The following PLCL2 variants were observed in gnomAD, a reference collection of about 807,000 sequenced individuals.
PLCL2 encodes phospholipase C like 2.
PLCL2 carries 4 observed loss-of-function variants against 79.6 expected under a neutral mutation model. The ratio of observed to expected loss-of-function variants is 0.05; its 90% CI spans 0.02 to 0.11. PLCL2 has a LOEUF of 0.11. Ranked by LOEUF, PLCL2 falls within the 10% of genes least tolerant of loss-of-function variation. The probability of loss-of-function intolerance (pLI) is 1.00; values close to 1 mark genes in which losing one functional copy is unlikely to be tolerated. For synonymous variants in PLCL2, 484 were observed against 457.7 expected, an observed-to-expected ratio of 1.06 and a Z score of -0.73; for missense variants, 895 against 1,291.0, an observed-to-expected ratio of 0.69 and a Z score of 4.70.
At chr3:16,994,552 A>C (rs1344320701) in intron 1 of PLCL2, among the ~76,000 whole-genome samples, 4 of 152,244 alleles carry the variant, frequency 2.6e-5, no homozygotes, top group African/African-American at 9.6e-5. Flanking sequence ...GATTTGCTGG[A>C]ATTTTTAAAT....
intron 1 of PLCL2, among the ~76,000 whole-genome samples, chr3:16,941,470 G>A (rs758692295): frequency 9.2e-5 from 14 of 152,212 alleles, no homozygotes; most frequent in African/African-American, 7.2e-5. Context: ...GAGTCTCTCC[G>A]TGACAGTCAC....
chr3:17,073,203 C>T (rs766178941), intron 5 of PLCL2, among the ~76,000 whole-genome samples: 3 of 152,184 alleles, frequency 2.0e-5, no homozygotes, highest in Non-Finnish European at 4.4e-5. Flanking sequence ...TTGGAGACTG[C>T]TTGATCAGTT....
intron 1 of PLCL2, among the ~76,000 whole-genome samples, chr3:16,947,276 T>C (rs1271694783): frequency 6.6e-6 from 1 of 152,168 alleles, no homozygotes; most frequent in Non-Finnish European, 1.5e-5. Context: ...GAGTCATCAT[T>C]ATTTTGTGTG....
intron 1 of PLCL2, among the ~76,000 whole-genome samples, chr3:16,898,635 CT>C (rs1696542164): frequency 1.3e-5 from 2 of 152,132 alleles, no homozygotes; most frequent in Non-Finnish European, 2.9e-5. Flanking sequence ...CTGACCTGTC[CT>C]CATCATTACT....
chr3:16,939,632 C>A (rs1041816972), intron 1 of PLCL2, among the ~76,000 whole-genome samples: 1 of 152,078 alleles, frequency 6.6e-6, no homozygotes, highest in African/African-American at 2.4e-5. Context: ...GTAGTTATTT[C>A]TAGAATAAAA....
chr3:16,979,795 C>A (rs540184925), intron 1 of PLCL2, among the ~76,000 whole-genome samples: 2 of 149,334 alleles, frequency 1.3e-5, no homozygotes, highest in African/African-American at 4.9e-5. Context: ...CCTTTCCCCC[C>A]TTTCTATTCC....
intron 3 of PLCL2, among the ~76,000 whole-genome samples, chr3:17,016,999 A>C (rs2064392440): frequency 6.6e-6 from 1 of 152,136 alleles, no homozygotes; most frequent in Admixed American, 6.5e-5. Flanking sequence ...TCAGGGGCTG[A>C]TTTCTGCTCT....
At chr3:17,044,278 T>C (rs1207146097) in intron 4 of PLCL2, 1 of 152,308 alleles carries the variant, frequency 6.6e-6, no homozygotes, top group East Asian at 1.9e-4. Flanking sequence ...TACCCTCTGC[T>C]TTGGGCTGCC....
intron 1 of PLCL2, among the ~76,000 whole-genome samples, chr3:16,949,734 G>A (rs771472231): frequency 6.4e-4 from 97 of 152,194 alleles, no homozygotes; most frequent in Admixed American, 1.1e-3. Context: ...TTTCTCACTG[G>A]GGCACGCAAG....
intron 1 of PLCL2, among the ~76,000 whole-genome samples, chr3:17,002,919 G>GT (rs997733794): frequency 7.8e-4 from 116 of 149,582 alleles, no homozygotes; most frequent in East Asian, 3.0e-3. Flanking sequence ...TCTGATGTGG[G>GT]TTTTTTTTTT....
chr3:16,928,895 A>C (rs1697320728), intron 1 of PLCL2, among the ~76,000 whole-genome samples: 2 of 152,122 alleles, frequency 1.3e-5, no homozygotes, highest in Non-Finnish European at 1.5e-5. Flanking sequence ...GTTGTGGGTG[A>C]CCTTGGCAAA....
At chr3:17,059,943 CTG>C (rs1389278924) in intron 4 of PLCL2, among the ~76,000 whole-genome samples, 1 of 152,100 alleles carries the variant, frequency 6.6e-6, no homozygotes, top group East Asian at 1.9e-4. Context: ...TCATGCCAAA[CTG>C]TGGGAGAGCA....
chr3:16,887,636 G>A lies in PLCL2; in HGVS notation c.327+2270G>A, dbSNP rs942851765. On this transcript the variant is annotated intron_variant, in intron 1 of 5. Coordinates refer to ENST00000615277, the MANE Select transcript of PLCL2 (RefSeq NM_001144382.2). The surrounding 1 kb of genome is among the most constrained non-coding windows in gnomAD (Gnocchi z 4.1). Reference sequence around the variant, plus strand: ...TTGAATTGGTGCCTTGAAGCATCAAGATTTTTGGAATGTATTGTGGTATTT... The same window carrying A: ...TTGAATTGGTGCCTTGAAGCATCAAAATTTTTGGAATGTATTGTGGTATTT... Among the ~76,000 whole-genome samples the A allele has an allele frequency of 6.6e-6, 1 of 152,118 alleles. No individual in the cohort carries two copies. The highest frequency in any genetic ancestry group is 1.5e-5 in the Non-Finnish European group (1 of 68,014).
At chr3:16,994,945 T>C (rs1385099077) in intron 1 of PLCL2, among the ~76,000 whole-genome samples, 1 of 152,248 alleles carries the variant, frequency 6.6e-6, no homozygotes, top group African/African-American at 2.4e-5. Flanking sequence ...AGGCAAGAGC[T>C]GAGATTGGAG....
chr3:17,068,123 C>G (rs996439471), intron 5 of PLCL2, 58 bp downstream of exon 5: 2 of 893,508 alleles, frequency 2.2e-6, no homozygotes, highest in Admixed American at 3.6e-5. Context: ...AGCATGCTTC[C>G]CTCTCTTAGT....
chr3:16,955,658 G>C (rs1287736846), intron 1 of PLCL2, among the ~76,000 whole-genome samples: 1 of 152,214 alleles, frequency 6.6e-6, no homozygotes, highest in African/African-American at 2.4e-5. Flanking sequence ...TCCTACCCAT[G>C]AGCATGGAAT....
intron 3 of PLCL2, among the ~76,000 whole-genome samples, chr3:17,029,688 G>A (rs2064560398): frequency 6.6e-6 from 1 of 152,092 alleles, no homozygotes; most frequent in Admixed American, 6.6e-5. Context: ...TTGAAAGCCA[G>A]AGAGCCACTT....
chr3:17,077,872 G>C (rs151115611), intron 5 of PLCL2, among the ~76,000 whole-genome samples: 2 of 152,182 alleles, frequency 1.3e-5, no homozygotes, highest in Non-Finnish European at 2.9e-5. Context: ...CAGCCCCCGA[G>C]GTAGCTGCTC....
At chr3:17,039,723 T>G (rs1323612100) in intron 3 of PLCL2, among the ~76,000 whole-genome samples, 1 of 152,212 alleles carries the variant, frequency 6.6e-6, no homozygotes, top group Non-Finnish European at 1.5e-5. Context: ...CTTCTGGAAT[T>G]CCCCTCTAAT....
Sources: allele counts gnomAD v4.1 joint callset (sites outside exome capture counted in the v4.1 genomes callset), GRCh38; gene constraint gnomAD v4.1.1; non-coding constraint Gnocchi (gnomAD v3.1); transcripts MANE v1.5; gene names NCBI Gene and HGNC (gene_info 2026-07-23, HGNC 2026-07-21).